HERC2: variants seen among roughly 807,000 people sequenced by gnomAD.
HERC2 encodes the protein HECT and RLD domain containing E3 ubiquitin protein ligase 2.
Under a neutral mutation model 537.7 loss-of-function variants are expected in HERC2, and 102 were observed. The ratio of observed to expected loss-of-function variants is 0.19; its 90% confidence interval spans 0.16 to 0.22. HERC2 has a LOEUF of 0.22. Ranked by LOEUF, HERC2 falls within the 10% of genes least tolerant of loss-of-function variation. HERC2 has a pLI of 1.00. For missense variants in HERC2, 4,236 were observed against 6,198.2 expected (o/e 0.68, Z 10.63); for synonymous variants, 2,224 against 2,466.2 (o/e 0.90, Z 2.91).
chr15:28,266,611 C>T (rs1458019677), intron 12 of HERC2, among the ~76,000 whole-genome samples: 1 of 152,210 alleles, frequency 6.6e-6, no homozygotes, highest in African/African-American at 2.4e-5. Context: ...TACCCATACA[C>T]CCAACCCAAC....
chr15:28,117,296 G>T (rs527736761), intron 86 of HERC2, 142 bp from the exon 87 acceptor site: 7 of 872,386 alleles, frequency 8.0e-6, no homozygotes, highest in African/African-American at 1.7e-5. Context: ...TTGTGTGGAC[G>T]CCAGGCAGAC....
At chr15:28,150,080 G>A (rs536005670) in intron 70 of HERC2, among the ~76,000 whole-genome samples, 2 of 150,974 alleles carry the variant, frequency 1.3e-5, no homozygotes, top group Non-Finnish European at 2.9e-5. Context: ...CCACACAAAC[G>A]CACATTCTAG....
At chr15:28,321,237 A>C in intron 2 of HERC2, 125 bp downstream of exon 2, 1 of 645,002 alleles carries the variant, frequency 1.6e-6, no homozygotes, top group Non-Finnish European at 2.8e-6. Flanking sequence ...CAGGAAATAA[A>C]CCTGCTCCTC....
Position 28,124,190 on chromosome 15 carries a change from C to T in HERC2, c.13035G>A (p.Ala4345=), listed in dbSNP as rs756135479. Residue 4345 remains alanine (A), a synonymous_variant, in exon 85 of 93, where the codon GCG becomes GCA. Transcript: ENST00000261609. ...YNHLQEIPII[A]LRNRLLLLHH... ...GCAGCAGCAGCAGACGGTTCCTCAG[C>T]GCAATGATGGGGATCTCCTGCAGGT... is the stretch of plus-strand genomic sequence containing the variant. The T allele has an allele frequency of 1.1e-5, 17 of 1,548,484 alleles. No individual in the cohort carries two copies. The highest frequency in any genetic ancestry group is 2.4e-5 in the East Asian group (1 of 41,436).
chr15:28,162,435 T>C (rs1304872858), intron 69 of HERC2, among the ~76,000 whole-genome samples: 1 of 151,936 alleles, frequency 6.6e-6, no homozygotes, highest in African/African-American at 2.4e-5. Flanking sequence ...TGAAAAAAAC[T>C]GACAGATTTG....
chr15:28,196,839 T>C (rs903643392), intron 50 of HERC2, among the ~76,000 whole-genome samples: 22 of 152,234 alleles, frequency 1.4e-4, no homozygotes, highest in East Asian at 1.9e-4. Flanking sequence ...TGGAGGTTCA[T>C]TGTAAACTAC....
chr15:28,252,868 G>A (rs1259920264), intron 20 of HERC2, among the ~76,000 whole-genome samples: 2 of 152,160 alleles, frequency 1.3e-5, no homozygotes, highest in African/African-American at 2.4e-5. Context: ...TACTAAGTTC[G>A]TTTTTCTGGT....
intron 35 of HERC2, among the ~76,000 whole-genome samples, chr15:28,224,802 T>G (rs1339045811): frequency 6.6e-6 from 1 of 152,020 alleles, no homozygotes; most frequent in African/African-American, 2.4e-5. Context: ...TCATACAAAT[T>G]ACCTTCTCCA....
Position 28,280,782 on chromosome 15 carries a change from C to T in HERC2, c.323-495G>A, listed in dbSNP as rs140192558. On this transcript the variant is annotated intron_variant, in intron 4 of 92. Coordinates refer to ENST00000261609, the MANE Select transcript of HERC2 (RefSeq NM_004667.6). ...AAAATTAGCCGAGTGTGGTGACGCA[C>T]GCCTGGAATTCCAGCTACTCAGGAG... Among the ~76,000 whole-genome samples, 15 of 152,070 alleles carry T rather than the reference C, an allele frequency of 9.9e-5. No homozygotes were observed. The East Asian group carries it at 2.1e-3, about 22-fold the overall frequency.
intron 3 of HERC2, among the ~76,000 whole-genome samples, chr15:28,296,959 T>C (rs1439158220): frequency 6.6e-5 from 10 of 152,164 alleles, no homozygotes; most frequent in Non-Finnish European, 1.3e-4. Context: ...GCTCTCTCGT[T>C]AAAAGGTGTG....
intron 56 of HERC2, among the ~76,000 whole-genome samples, chr15:28,183,241 GCT>G (rs1346486303): frequency 1.3e-5 from 2 of 152,104 alleles, no homozygotes; most frequent in African/African-American, 2.4e-5. Context: ...ACAGGGTCAT[GCT>G]CTGTCACTCA....
At chr15:28,289,231 A>C (rs1425804484) in intron 4 of HERC2, among the ~76,000 whole-genome samples, 2 of 152,132 alleles carry the variant, frequency 1.3e-5, no homozygotes, top group Non-Finnish European at 2.9e-5. Context: ...ACACATACAC[A>C]AAGGTTGAAA....
At chr15:28,210,097 G>C (rs768723320) in intron 44 of HERC2, among the ~76,000 whole-genome samples, 18 of 151,288 alleles carry the variant, frequency 1.2e-4, no homozygotes, top group Non-Finnish European at 2.1e-4. Flanking sequence ...AAGTAGCTGG[G>C]ATTACAGGCG....
intron 86 of HERC2, among the ~76,000 whole-genome samples, chr15:28,119,876 TA>T (rs1888693227): frequency 6.6e-6 from 1 of 152,174 alleles, no homozygotes; most frequent in Non-Finnish European, 1.5e-5. Context: ...AATGACTTCT[TA>T]AAAATTTCAG....
chr15:28,289,357 A>T (rs2076248589), intron 4 of HERC2, among the ~76,000 whole-genome samples: 1 of 151,848 alleles, frequency 6.6e-6, no homozygotes. Context: ...AAAGGGGGTC[A>T]AATTTACAAA....
At chr15:28,254,938 G>C (rs1284150200) in intron 19 of HERC2, among the ~76,000 whole-genome samples, 2 of 152,192 alleles carry the variant, frequency 1.3e-5, no homozygotes, top group Admixed American at 6.5e-5. Flanking sequence ...ACACGCACCT[G>C]CCCCAGGACC....
Position 28,179,141 on chromosome 15 carries a change from C to G in HERC2, c.9019+1G>C. On this transcript the variant is annotated splice_donor_variant, in intron 58 of 92. Coordinates refer to ENST00000261609, the MANE Select transcript of HERC2 (RefSeq NM_004667.6). LOFTEE classifies it high-confidence loss of function. Reference sequence around the variant, plus strand: ...ATTTTTTAAGATTAGAATAATCATACCTGCAAACAAACTTTTAGATCCACC... The same window carrying G: ...ATTTTTTAAGATTAGAATAATCATAGCTGCAAACAAACTTTTAGATCCACC... 1 of 1,610,822 alleles carries G rather than the reference C, an allele frequency of 6.2e-7. No individual in the cohort carries two copies.
At chr15:28,209,497 C>T (rs1898881809) in intron 44 of HERC2, among the ~76,000 whole-genome samples, 1 of 152,118 alleles carries the variant, frequency 6.6e-6, no homozygotes, top group Non-Finnish European at 1.5e-5. Context: ...GCACCTGCCA[C>T]CACGCCCAGC....
At position 28,205,285 on chromosome 15, in the gene HERC2, C is replaced by CTGCAGGGAGCACGTGCACCGCACCACG. The variant is rs11268055; in HGVS notation, c.7212+954_7212+955insCGTGGTGCGGTGCACGTGCTCCCTGCA. ...TCACACTCGGCATCTCCCAGCATGA[C>CTGCAGGGAGCACGTGCACCGCACCACG]TGCTCTCAAGTTGCTCAGCGTCTTC... On this transcript the variant is annotated intron_variant, in intron 45 of 92. Coordinates refer to ENST00000261609, the MANE Select transcript of HERC2 (RefSeq NM_004667.6). 1.3e-4 allele frequency among the ~76,000 whole-genome samples: 2 copies of CTGCAGGGAGCACGTGCACCGCACCACG among 15,464 alleles called. 1 individual carries two copies. The highest frequency in any genetic ancestry group is 3.8e-4 in the African/African-American group (2 of 5,240). 10.1% of individuals were successfully genotyped at this position (15,464 alleles called of 152,430 possible). A position where few individuals can be genotyped will look rare whatever the true frequency, so the allele number is the denominator to read the frequency against.
Sources: allele counts gnomAD v4.1 joint callset (sites outside exome capture counted in the v4.1 genomes callset), GRCh38; gene constraint gnomAD v4.1.1; transcripts MANE v1.5; gene names NCBI Gene and HGNC (gene_info 2026-07-23, HGNC 2026-07-21).